Variants in OR10A2 observed in about 807,000 individuals in gnomAD.
OR10A2 encodes olfactory receptor family 10 subfamily A member 2, also known as olfactory receptor 10A2.
OR10A2 carries 15 observed loss-of-function variants against 13.7 expected under a neutral mutation model. The ratio of observed to expected loss-of-function variants is 1.10; its 90% confidence interval spans 0.73 to 1.69. The LOEUF is 1.69. Ranked by LOEUF, OR10A2 falls within the 40% of genes most tolerant of loss-of-function variation. The pLI is 0.00. For missense variants in OR10A2, 343 were observed against 361.1 expected, an observed-to-expected ratio of 0.95 and a Z score of 0.41; for synonymous variants, 145 against 144.7, an observed-to-expected ratio of 1.00 and a Z score of -0.02.
At chr11:6,863,532 C>T (rs2595456) in intron 1 of OR10A2, among the ~76,000 whole-genome samples, 181 bp downstream of exon 1, 63,018 of 151,572 alleles carry the variant, frequency 0.42, 13,531 homozygotes, top group Middle Eastern at 0.57. Flanking sequence ...CATCAGTTTA[C>T]TCTATGTCAT....
rs1848413224 is a variant in OR10A2 at position 6,870,007 on chromosome 11, G to A, written c.253G>A (p.Ala85Thr). Residue 85 changes from alanine to threonine, a missense_variant, in exon 2 of 2, where the codon GCC becomes ACC. Transcript: ENST00000641461. ...CACAACCATCTCCTTCCTTGGCTGT[G>A]CCACTCAGATGTATTTCTTCTTCTT... ...QDTTISFLGCATQMYFFFFFG... is the reference protein window; with the variant it reads ...QDTTISFLGCTTQMYFFFFFG... The A allele has an allele frequency of 5.0e-6, 8 of 1,614,170 alleles. No individual in the cohort carries two copies. The highest frequency in any genetic ancestry group is 5.9e-6 in the Non-Finnish European group (7 of 1,180,028).
In OR10A2 at chr11:6,871,845, G is replaced by A. The variant is rs995043925; in HGVS notation, c.*1179G>A. 3.9e-5 allele frequency: 6 copies of A among 152,080 alleles called. No individual in the cohort carries two copies. Among genetic ancestry groups the A allele is most frequent in the African/African-American group, 1.4e-4 (6 of 41,412 alleles). 9.4% of individuals were successfully genotyped at this position (152,080 alleles called of 1,614,324 possible). A position where few individuals can be genotyped will look rare whatever the true frequency, so the allele number is the denominator to read the frequency against. Reference sequence around the variant, plus strand: ...AAATAATGGACTTATCCATATATCTGTTTTTATATTTTTGCTAGTGTACCT... The same window carrying A: ...AAATAATGGACTTATCCATATATCTATTTTTATATTTTTGCTAGTGTACCT... On this transcript the variant is annotated 3_prime_UTR_variant, in exon 2 of 2. Coordinates refer to ENST00000641461, the MANE Select transcript of OR10A2 (RefSeq NM_001004460.2).
intron 1 of OR10A2, among the ~76,000 whole-genome samples, chr11:6,868,519 TCTC>T (rs1480591495): frequency 6.6e-6 from 1 of 152,130 alleles, no homozygotes; most frequent in Non-Finnish European, 1.5e-5. Flanking sequence ...TTCAGGTGAA[TCTC>T]CTCATCTATA....
Position 6,873,449 on chromosome 11 carries a change from G to T in OR10A2, c.*2783G>T, listed in dbSNP as rs1172739336. ...GGGGTAGGGGGTAGTCCTTAGTATG[G>T]GTAAAGAATTTGAAGTAAAGCAAAC... On this transcript the variant is annotated 3_prime_UTR_variant, in exon 2 of 2. Coordinates refer to ENST00000641461, the MANE Select transcript of OR10A2 (RefSeq NM_001004460.2). The T allele has an allele frequency of 6.6e-6, 1 of 152,150 alleles. No homozygotes were observed. The highest frequency in any genetic ancestry group is 1.5e-5 in the Non-Finnish European group (1 of 68,032). The allele number at this position is 152,150 out of a possible 1,614,324, so 9.4% of individuals were successfully genotyped here. A position where few individuals can be genotyped will look rare whatever the true frequency, so the allele number is the denominator to read the frequency against.
chr11:6,870,627 G>A lies in OR10A2; in HGVS notation c.873G>A (p.Thr291=), dbSNP rs143366609. Residue 291 remains threonine, a synonymous_variant, in exon 2 of 2, where the codon ACG becomes ACA. Transcript: ENST00000641461. The part of the protein sequence containing the change: ...NNEVKNALSR[T]VSKALALRNC... ...AGGTGAAGAATGCCCTCAGCAGGAC[G>A]GTCTCTAAGGCCCTAGCCCTCAGAA... 49 of 1,607,228 alleles carry A rather than the reference G, an allele frequency of 3.0e-5. 1 individual carries two copies. The highest frequency in any genetic ancestry group is 1.3e-4 in the Admixed American group (8 of 59,476).
At chr11:6,865,942 T>C (rs1415666328) in intron 1 of OR10A2, among the ~76,000 whole-genome samples, 1 of 152,232 alleles carries the variant, frequency 6.6e-6, no homozygotes, top group Admixed American at 6.5e-5. Context: ...CGTTAGTCAC[T>C]GGCAATCACT....
intron 1 of OR10A2, among the ~76,000 whole-genome samples, chr11:6,864,339 T>C (rs1015814937): frequency 6.9e-6 from 1 of 144,642 alleles, no homozygotes; most frequent in African/African-American, 2.7e-5. Context: ...GAAAAAAAAA[T>C]TCTAATAGTG....
Position 6,870,769 on chromosome 11 carries a change from G to A in OR10A2, c.*103G>A, listed in dbSNP as rs539266115. 5 of 1,004,580 alleles carry A rather than the reference G, an allele frequency of 5.0e-6. No homozygotes were observed. Among genetic ancestry groups the A allele is most frequent in the Non-Finnish European group, 7.3e-6 (5 of 685,428 alleles). The allele number at this position is 1,004,580 out of a possible 1,614,324, so 62.2% of individuals were successfully genotyped here. ...CACATCTCCAATAAGATGAAGTCCT[G>A]TTGCTGAAATGGCTTTTGGAAAGCT... On this transcript the variant is annotated 3_prime_UTR_variant, in exon 2 of 2. Transcript: ENST00000641461.
rs912008432 is a variant in OR10A2 at position 6,872,386 on chromosome 11, T to C, written c.*1720T>C. On this transcript the variant is annotated 3_prime_UTR_variant, in exon 2 of 2. Coordinates refer to ENST00000641461, the MANE Select transcript of OR10A2 (RefSeq NM_001004460.2). ...TAAATACATTAAATTTTGTATATACTACATGTAGAAACTGTACATGTACTT... is the reference window on the plus strand; with the variant it reads ...TAAATACATTAAATTTTGTATATACCACATGTAGAAACTGTACATGTACTT... 1.3e-5 allele frequency: 2 copies of C among 152,244 alleles called. No homozygotes were observed. The highest frequency in any genetic ancestry group is 2.9e-5 in the Non-Finnish European group (2 of 68,036). 9.4% of individuals were successfully genotyped at this position (152,244 alleles called of 1,614,324 possible). A position where few individuals can be genotyped will look rare whatever the true frequency, so the allele number is the denominator to read the frequency against.
intron 1 of OR10A2, among the ~76,000 whole-genome samples, chr11:6,865,612 C>A (rs1032103015): frequency 3.9e-5 from 6 of 152,032 alleles, no homozygotes; most frequent in Non-Finnish European, 7.4e-5. Context: ...TGGGAAATTT[C>A]TATTTTTCAG....
chr11:6,866,668 T>G (rs1023127684), intron 1 of OR10A2, among the ~76,000 whole-genome samples: 5 of 152,152 alleles, frequency 3.3e-5, no homozygotes, highest in Admixed American at 2.6e-4. Context: ...TACTTTATTT[T>G]TTTGTTTGGT....
In OR10A2 at chr11:6,870,551, C is replaced by T. The variant is rs751052153; in HGVS notation, c.797C>T (p.Thr266Ile). ...EGKKLLSLSY[T>I]VMTPMLNPII... is the part of the protein sequence containing the mutation. Reference sequence around the variant, plus strand: ...AAGAAGCTGCTATCATTGTCCTACACTGTTATGACTCCCATGTTGAACCCC... The same window carrying T: ...AAGAAGCTGCTATCATTGTCCTACATTGTTATGACTCCCATGTTGAACCCC... Residue 266 changes from threonine (T) to isoleucine (I), a missense_variant, in exon 2 of 2, where the codon ACT becomes ATT. Thr to Ile is a moderately conservative substitution (Grantham distance 89). Transcript: ENST00000641461. The T allele has an allele frequency of 2.5e-6, 4 of 1,613,968 alleles. No individual in the cohort carries two copies. In the African/African-American group the frequency reaches 4.0e-5, roughly 16 times the overall value.
intron 1 of OR10A2, among the ~76,000 whole-genome samples, chr11:6,864,617 C>T (rs1032613989): frequency 1.3e-5 from 2 of 152,140 alleles, no homozygotes; most frequent in East Asian, 3.9e-4. Flanking sequence ...ACATGACAGA[C>T]AGAGCTGAGT....
At chr11:6,863,890 C>T (rs1848360812) in intron 1 of OR10A2, among the ~76,000 whole-genome samples, 2 of 152,184 alleles carry the variant, frequency 1.3e-5, no homozygotes, top group African/African-American at 4.8e-5. Flanking sequence ...GCCCATGGGC[C>T]ACATGCGGCC....
Position 6,872,859 on chromosome 11 carries a change from C to G in OR10A2, c.*2193C>G, listed in dbSNP as rs1305721205. 6.9e-6 allele frequency: 1 copy of G among 144,508 alleles called. No individual in the cohort carries two copies. Among genetic ancestry groups the G allele is most frequent in the Non-Finnish European group, 1.5e-5 (1 of 66,912 alleles). The allele number at this position is 144,508 out of a possible 1,614,324, so 9.0% of individuals were successfully genotyped here. On this transcript the variant is annotated 3_prime_UTR_variant, in exon 2 of 2. Transcript: ENST00000641461. ...TGAGACAAAGGTCTGCTCTATTACT[C>G]AGGCTGCTGGGGTGCAATGGCACAA...
rs984483022 is a variant in OR10A2 at position 6,874,261 on chromosome 11, AT to A, written c.*3598del. 2 of 152,170 alleles carry A rather than the reference AT, an allele frequency of 1.3e-5. No individual in the cohort carries two copies. Among genetic ancestry groups the A allele is most frequent in the African/African-American group, 4.8e-5 (2 of 41,432 alleles). The allele number at this position is 152,170 out of a possible 1,614,324, so 9.4% of individuals were successfully genotyped here. ...TTATCTATTAAATTATTCAATAACA[AT>A]TTACTGGGCATCTACCTTTCTAGGC... is the stretch of plus-strand genomic sequence containing the variant. On this transcript the variant is annotated 3_prime_UTR_variant, in exon 2 of 2. Transcript: ENST00000641461.
Position 6,863,197 on chromosome 11 carries a change from A to G in OR10A2, c.-287A>G, listed in dbSNP as rs1021529942. ...GAGCTGGCTACAGCTCCAGCCATTA[A>G]TAGCTCAGCCAGGACAGGGAATAAG... On this transcript the variant is annotated 5_prime_UTR_variant, in exon 1 of 2. Transcript: ENST00000641461. 6.6e-6 allele frequency: 1 copy of G among 152,170 alleles called. No individual in the cohort carries two copies. The highest frequency in any genetic ancestry group is 1.5e-5 in the Non-Finnish European group (1 of 68,040). 9.4% of individuals were successfully genotyped at this position (152,170 alleles called of 1,614,324 possible).
intron 1 of OR10A2, among the ~76,000 whole-genome samples, chr11:6,867,275 A>C (rs971999976): frequency 2.0e-5 from 3 of 152,016 alleles, no homozygotes; most frequent in Non-Finnish European, 4.4e-5. Flanking sequence ...GCAGCGGTGC[A>C]GTCTTGGCTC....
chr11:6,870,461 CTCT>C lies in OR10A2; in HGVS notation c.709_711del (p.Leu237del). On this transcript the variant is annotated inframe_deletion, in exon 2 of 2. Transcript: ENST00000641461. ...TGTTCCTCACACCTCCTTGTTGTCTCTCTTTTCTATATATCATTAAGCCTCACC... is the reference window on the plus strand; with the variant it reads ...TGTTCCTCACACCTCCTTGTTGTCTCTTTCTATATATCATTAAGCCTCACC... The C allele has an allele frequency of 6.2e-7, 1 of 1,614,182 alleles. No homozygotes were observed. The highest frequency in any genetic ancestry group is 1.3e-5 in the African/African-American group (1 of 75,040).
Sources: gnomAD v4.1 joint callset for allele counts (sites outside exome capture counted in the v4.1 genomes callset) on GRCh38, gnomAD v4.1.1 for gene constraint, MANE v1.5 for transcripts, NCBI Gene and HGNC (gene_info 2026-07-23, HGNC 2026-07-21) for gene names.